Variants in TTC7B observed in about 807,000 individuals in gnomAD.
The protein encoded by TTC7B is tetratricopeptide repeat protein 7B.
TTC7B carries 28 observed loss-of-function variants against 106.8 expected under a neutral mutation model. That is an observed-to-expected ratio of 0.26 (90% CI 0.19 to 0.36). TTC7B has a LOEUF of 0.36. Among genes scored for constraint, TTC7B ranks in the 10% least tolerant of loss-of-function variants. TTC7B has a pLI of 1.00. For synonymous variants in TTC7B, 405 were observed against 430.6 expected, an observed-to-expected ratio of 0.94 and a Z score of 0.74; for missense variants, 862 against 1,076.4, an observed-to-expected ratio of 0.80 and a Z score of 2.79.
intron 5 of TTC7B, among the ~76,000 whole-genome samples, chr14:90,715,541 T>A (rs773396069): frequency 1.3e-5 from 2 of 152,210 alleles, no homozygotes; most frequent in Non-Finnish European, 2.9e-5. Context: ...TTAAAATTAC[T>A]CTCTAAATCA....
intron 15 of TTC7B, among the ~76,000 whole-genome samples, chr14:90,635,123 A>T (rs1040326898): frequency 7.9e-5 from 12 of 152,222 alleles, no homozygotes; most frequent in Non-Finnish European, 1.3e-4. Flanking sequence ...TGTACATCCA[A>T]TTTGAAAAAC....
intron 9 of TTC7B, among the ~76,000 whole-genome samples, chr14:90,660,407 AAAAAAAAAAAAAAAG>A (rs945205101): frequency 3.3e-5 from 5 of 149,508 alleles, no homozygotes; most frequent in African/African-American, 1.2e-4. Flanking sequence ...AAAAAAAAAA[AAAAAAAAAAAAAAAG>A]AAAAGAAAAG....
At chr14:90,580,651 C>T (rs766960361) in intron 18 of TTC7B, among the ~76,000 whole-genome samples, 2 of 152,380 alleles carry the variant, frequency 1.3e-5, no homozygotes, top group Non-Finnish European at 2.9e-5. Flanking sequence ...TGTCTCCACA[C>T]TTGTGTCAAT....
intron 5 of TTC7B, among the ~76,000 whole-genome samples, chr14:90,728,581 A>G (rs772975200): frequency 1.4e-4 from 22 of 152,196 alleles, no homozygotes; most frequent in Non-Finnish European, 2.9e-4. Flanking sequence ...ACCTCTCATT[A>G]TTATTTTTTA....
At chr14:90,680,433 G>A (rs766917918) in intron 8 of TTC7B, 39 bp downstream of exon 8, 17 of 1,540,206 alleles carry the variant, frequency 1.1e-5, no homozygotes, top group Non-Finnish European at 1.2e-5. Flanking sequence ...GGTCTACAGG[G>A]CCAGGGGAAA....
intron 18 of TTC7B, among the ~76,000 whole-genome samples, chr14:90,593,075 C>G (rs1461226759): frequency 6.6e-6 from 1 of 152,186 alleles, no homozygotes; most frequent in Non-Finnish European, 1.5e-5. Context: ...CTAAGCCCAT[C>G]ATACAGAATT....
rs900426919 is a variant in TTC7B at position 90,742,450 on chromosome 14, T to G, written c.576+2342A>C. On this transcript the variant is annotated intron_variant, in intron 4 of 19. Coordinates refer to ENST00000328459, the MANE Select transcript of TTC7B (RefSeq NM_001010854.2). This position sits in a 1 kb window ranked among gnomAD's most constrained non-coding sequence, Gnocchi z 4.1. Reference sequence around the variant, plus strand: ...CTCCTGTCTCGGCCTCTCAAAGTGCTGGGATTACAGGCATGAGCCATCACA... The same window carrying G: ...CTCCTGTCTCGGCCTCTCAAAGTGCGGGGATTACAGGCATGAGCCATCACA... 6.6e-6 allele frequency among the ~76,000 whole-genome samples: 1 copy of G among 152,180 alleles called. No individual in the cohort carries two copies.
intron 3 of TTC7B, among the ~76,000 whole-genome samples, chr14:90,771,169 T>A (rs1447448443): frequency 6.6e-6 from 1 of 152,120 alleles, no homozygotes; most frequent in Non-Finnish European, 1.5e-5. Context: ...ACTGTGCACT[T>A]AAAAATAATG....
At chr14:90,651,568 G>A (rs1337402896) in intron 13 of TTC7B, among the ~76,000 whole-genome samples, 2 of 152,184 alleles carry the variant, frequency 1.3e-5, no homozygotes, top group East Asian at 1.9e-4. Flanking sequence ...CCATGTGTGG[G>A]TTTTACAAAC....
In TTC7B at chr14:90,658,373, G is replaced by A. The variant is rs1886040535; in HGVS notation, c.1167C>T (p.Ala389=). The A allele has an allele frequency of 6.2e-7, 1 of 1,614,130 alleles. No homozygotes were observed. Among genetic ancestry groups the A allele is most frequent in the East Asian group, 2.2e-5 (1 of 44,892 alleles). ...GGAATTCCTCAAAGGCAAACTTCAT[G>A]GCTCTTTCTAGGCACTGGTTGGGAA... The part of the protein sequence containing the change: ...YEMLSECLER[A]MKFAFEEFHL... Residue 389 remains alanine, a synonymous_variant, in exon 10 of 20, where the codon GCC becomes GCT. Coordinates refer to ENST00000328459, the MANE Select transcript of TTC7B (RefSeq NM_001010854.2).
rs1197543535 is a variant in TTC7B at position 90,546,417 on chromosome 14, C to T, written c.2311-4828G>A. 2.0e-5 allele frequency among the ~76,000 whole-genome samples: 3 copies of T among 152,244 alleles called. No individual in the cohort carries two copies. The East Asian group carries it at 5.8e-4, about 29-fold the overall frequency. On this transcript the variant is annotated intron_variant, in intron 19 of 19. Coordinates refer to ENST00000328459, the MANE Select transcript of TTC7B (RefSeq NM_001010854.2). Reference sequence around the variant, plus strand: ...CCTGAGGTTGGCATGGAGCTGTTGTCAGCACCAGCTGCGTCCAACCTTCCC... The same window carrying T: ...CCTGAGGTTGGCATGGAGCTGTTGTTAGCACCAGCTGCGTCCAACCTTCCC...
At chr14:90,642,853 T>G (rs1885241589) in intron 15 of TTC7B, 1 of 151,906 alleles carries the variant, frequency 6.6e-6, no homozygotes, top group Admixed American at 6.6e-5. Flanking sequence ...AGGGAAGCTA[T>G]CTTGATCAAA....
chr14:90,683,361 C>T (rs988430410), intron 7 of TTC7B, among the ~76,000 whole-genome samples: 1 of 152,138 alleles, frequency 6.6e-6, no homozygotes, highest in Admixed American at 6.5e-5. Flanking sequence ...GCCTCTGAAC[C>T]ACAGCCAGCC....
intron 5 of TTC7B, among the ~76,000 whole-genome samples, chr14:90,710,056 GAAA>G (rs71461920): frequency 1.7e-5 from 2 of 119,390 alleles, no homozygotes; most frequent in Admixed American, 1.8e-4. Flanking sequence ...TTTTCTACTT[GAAA>G]AAAAAAAAAA....
At chr14:90,590,417 C>T (rs919558451) in intron 18 of TTC7B, among the ~76,000 whole-genome samples, 3 of 152,192 alleles carry the variant, frequency 2.0e-5, no homozygotes, top group Non-Finnish European at 2.9e-5. Context: ...GCTCCCATCA[C>T]GAGCTCCCAC....
intron 3 of TTC7B, among the ~76,000 whole-genome samples, chr14:90,746,989 T>C (rs1237100938): frequency 6.6e-6 from 1 of 152,202 alleles, no homozygotes; most frequent in Non-Finnish European, 1.5e-5. Flanking sequence ...AGAAAAACTC[T>C]TAAGCCCTCA....
At chr14:90,631,778 T>C (rs1202710700) in intron 15 of TTC7B, among the ~76,000 whole-genome samples, 2 of 152,174 alleles carry the variant, frequency 1.3e-5, no homozygotes. Context: ...TTGTCAACAC[T>C]TGTGACTTTG....
In TTC7B at chr14:90,708,393, C is replaced by T. The variant is rs963290591; in HGVS notation, c.699-12815G>A. 7.2e-5 allele frequency among the ~76,000 whole-genome samples: 11 copies of T among 152,176 alleles called. No individual in the cohort carries two copies. The East Asian group carries it at 2.1e-3, about 29-fold the overall frequency. Reference sequence around the variant, plus strand: ...GGACAGGCTGACTCTCTTGCAGGAGCTAATGCAACTGGTGACTTTGAGTTG... The same window carrying T: ...GGACAGGCTGACTCTCTTGCAGGAGTTAATGCAACTGGTGACTTTGAGTTG... On this transcript the variant is annotated intron_variant, in intron 5 of 19. Transcript: ENST00000328459.
At chr14:90,721,563 G>A (rs963835260) in intron 5 of TTC7B, among the ~76,000 whole-genome samples, 8 of 151,962 alleles carry the variant, frequency 5.3e-5, no homozygotes, top group Admixed American at 1.3e-4. Flanking sequence ...ATTAGAAGAC[G>A]ATAGACTAGC....
Sources: allele counts gnomAD v4.1 joint callset (sites outside exome capture counted in the v4.1 genomes callset), GRCh38; gene constraint gnomAD v4.1.1; non-coding constraint Gnocchi (gnomAD v3.1); transcripts MANE v1.5; gene names NCBI Gene and HGNC (gene_info 2026-07-23, HGNC 2026-07-21).